The following NPHP1 variants were observed in gnomAD, a reference collection of about 807,000 sequenced individuals.
NPHP1 encodes the protein nephrocystin 1.
NPHP1 carries 70 observed loss-of-function variants against 90.4 expected under a neutral mutation model. The ratio of observed to expected loss-of-function variants is 0.77; its 90% confidence interval spans 0.64 to 0.95. The LOEUF is 0.95. Among genes scored for constraint, NPHP1 ranks in the 40% least tolerant of loss-of-function variants. The pLI, the probability that NPHP1 is intolerant of heterozygous loss-of-function variation, is 0.00. For missense variants in NPHP1, 764 were observed against 795.9 expected (o/e 0.96, Z 0.48); for synonymous variants, 256 against 271.7 (o/e 0.94, Z 0.57).
Position 110,133,832 on chromosome 2 carries a change from G to T in NPHP1, c.1530-2041C>A, listed in dbSNP as rs556257940. Among the ~76,000 whole-genome samples, 5 of 151,948 alleles carry T rather than the reference G, an allele frequency of 3.3e-5. No individual in the cohort carries two copies. The South Asian group carries it at 1.0e-3, about 32-fold the overall frequency. On this transcript the variant is annotated intron_variant, in intron 16 of 19. Transcript: ENST00000445609. ...GAAACTAGAAAATATCTTGAGAAAT[G>T]AAATGAAAACACAACATACCAAAAT...
intron 2 of NPHP1, among the ~76,000 whole-genome samples, chr2:110,196,758 T>C (rs1484023476): frequency 6.6e-6 from 1 of 152,174 alleles, no homozygotes; most frequent in Non-Finnish European, 1.5e-5. Flanking sequence ...CCAACCCAAA[T>C]GTCCAACAAT....
chr2:110,178,441 C>T lies in NPHP1; in HGVS notation c.311G>A (p.Ser104Asn). The stretch of plus-strand genomic sequence containing the variant: ...AGCATACTCAGTTATATTTTCTCTG[C>T]TTATTGTCACAGCAAGGCCCTGCAG... Reference protein sequence around the residue: ...QQLQGLAVTISRENITEVGAP... With the variant: ...QQLQGLAVTINRENITEVGAP... The change falls in exon 4 of 20, where the codon AGC (serine) becomes AAC (asparagine). Residue 104 changes from serine to asparagine, a missense_variant. Ser to Asn is a conservative substitution (Grantham distance 46). Transcript: ENST00000445609. 6.2e-7 allele frequency: 1 copy of T among 1,613,836 alleles called. No homozygotes were observed. Among genetic ancestry groups the T allele is most frequent in the African/African-American group, 1.3e-5 (1 of 75,008 alleles).
At chr2:110,166,392 A>ACAT (rs149062166) in intron 6 of NPHP1, among the ~76,000 whole-genome samples, 3,021 of 152,280 alleles carry the variant, frequency 0.02, 97 homozygotes, top group African/African-American at 0.068. Flanking sequence ...TTAAAAGACT[A>ACAT]CATTTCCCAA....
At chr2:110,126,244 C>T (rs900408316) in intron 18 of NPHP1, 1 of 162,088 alleles carries the variant, frequency 6.2e-6, no homozygotes, top group Non-Finnish European at 1.3e-5. Flanking sequence ...TGTGCCATTT[C>T]CTGGCAAACT....
chr2:110,162,745 G>C (rs993548919), intron 9 of NPHP1, among the ~76,000 whole-genome samples: 4 of 152,182 alleles, frequency 2.6e-5, no homozygotes, highest in Admixed American at 6.5e-5. Context: ...ACAGATGAGG[G>C]AATGAACCAG....
At position 110,133,113 on chromosome 2, in the gene NPHP1, T is replaced by C. The variant is rs1005609705; in HGVS notation, c.1530-1322A>G. Among the ~76,000 whole-genome samples the C allele has an allele frequency of 2.0e-5, 3 of 152,046 alleles. No homozygotes were observed. The East Asian group carries it at 5.8e-4, about 29-fold the overall frequency. On this transcript the variant is annotated intron_variant, in intron 16 of 19. Transcript: ENST00000445609. ...GACTCCTCAATCAAAAGATACAGAT[T>C]GGCAGGATGCACTAAAAAAACACGA...
intron 14 of NPHP1, among the ~76,000 whole-genome samples, chr2:110,145,678 G>A (rs1005308920): frequency 2.0e-5 from 3 of 152,074 alleles, no homozygotes; most frequent in Non-Finnish European, 4.4e-5. Context: ...CACTGAAAAT[G>A]TGTCTATATT....
chr2:110,165,100 T>A lies in NPHP1; in HGVS notation c.680A>T (p.Asp227Val). The change falls in exon 7 of 20, where the codon GAT becomes GTT. Residue 227 changes from aspartate to valine, a missense_variant. Physicochemically the swap from Asp to Val is radical, Grantham distance 152. Transcript: ENST00000445609. ...QESSEEGSEE[D>V]VEAVDETADG... The stretch of plus-strand genomic sequence containing the variant: ...TGCTGTTTCATCCACCGCCTCTACA[T>A]CTTCTTCACTGCCCTCTTCACTTGA... 2 of 1,613,914 alleles carry A rather than the reference T, an allele frequency of 1.2e-6. No homozygotes were observed. The highest frequency in any genetic ancestry group is 1.1e-5 in the South Asian group (1 of 91,072).
chr2:110,151,168 G>GAAAAAAAAAAAAAAAAAAA (rs35894521), intron 11 of NPHP1, among the ~76,000 whole-genome samples: 2 of 116,478 alleles, frequency 1.7e-5, no homozygotes, highest in Non-Finnish European at 3.4e-5. Context: ...TCAGTCTCAA[G>GAAAAAAAAAAAAAAAAAAA]AAAAAAAAAA....
Position 110,167,563 on chromosome 2 carries a change from T to C in NPHP1, c.624+889A>G, listed in dbSNP as rs529431504. ...CACCCCCAACCAATACCTCACTCTATGGCTGTTCCTGAGTTGCATCCTTTA... is the reference window on the plus strand; with the variant it reads ...CACCCCCAACCAATACCTCACTCTACGGCTGTTCCTGAGTTGCATCCTTTA... On this transcript the variant is annotated intron_variant, in intron 6 of 19. Transcript: ENST00000445609. Among the ~76,000 whole-genome samples, 5 of 152,264 alleles carry C rather than the reference T, an allele frequency of 3.3e-5. No individual in the cohort carries two copies. In the East Asian group the frequency reaches 9.6e-4, roughly 29 times the overall value.
At chr2:110,178,225 G>T (rs1373031910) in intron 4 of NPHP1, 198 bp downstream of exon 4, 5 of 574,682 alleles carry the variant, frequency 8.7e-6, no homozygotes, top group Admixed American at 3.3e-5. Context: ...CCTGAGGGCA[G>T]AGACTATGAC....
At chr2:110,167,495 C>T (rs1435517996) in intron 6 of NPHP1, among the ~76,000 whole-genome samples, 1 of 152,008 alleles carries the variant, frequency 6.6e-6, no homozygotes, top group Non-Finnish European at 1.5e-5. Flanking sequence ...GTGAACACAG[C>T]GAAGTGCTGG....
intron 10 of NPHP1, 104 bp downstream of exon 10, chr2:110,161,499 T>C (rs552860697): frequency 3.2e-5 from 24 of 741,356 alleles, no homozygotes; most frequent in Non-Finnish European, 5.2e-5. Flanking sequence ...AAACAATTTT[T>C]TTGTTTTTTA....
At chr2:110,137,800 T>G (rs1680315303) in intron 16 of NPHP1, among the ~76,000 whole-genome samples, 1 of 150,942 alleles carries the variant, frequency 6.6e-6, no homozygotes, top group African/African-American at 2.4e-5. Flanking sequence ...AGAAATACCA[T>G]TTGACCCAGC....
intron 17 of NPHP1, among the ~76,000 whole-genome samples, chr2:110,130,567 T>C (rs1195735419): frequency 1.3e-5 from 2 of 152,172 alleles, no homozygotes; most frequent in Admixed American, 6.5e-5. Context: ...CTTCTACCTA[T>C]CTATCCAGGT....
At chr2:110,193,385 C>A (rs922278157) in intron 2 of NPHP1, among the ~76,000 whole-genome samples, 7 of 150,952 alleles carry the variant, frequency 4.6e-5, no homozygotes, top group African/African-American at 1.5e-4. Context: ...GACTTTAAAC[C>A]AACAAAGATC....
At chr2:110,125,496 G>A in intron 19 of NPHP1, 141 bp downstream of exon 19, 1 of 1,140,978 alleles carries the variant, frequency 8.8e-7, no homozygotes, top group East Asian at 2.3e-5. Context: ...ATGTGTTTTT[G>A]CAGCCATAAT....
intron 2 of NPHP1, among the ~76,000 whole-genome samples, chr2:110,183,148 G>A (rs937382449): frequency 1.7e-4 from 26 of 152,116 alleles, no homozygotes; most frequent in African/African-American, 3.1e-4. Context: ...AAGAGACCCC[G>A]AAATCTGGCC....
intron 12 of NPHP1, among the ~76,000 whole-genome samples, chr2:110,148,710 T>C (rs1681247716): frequency 6.6e-6 from 1 of 152,182 alleles, no homozygotes; most frequent in Admixed American, 6.5e-5. Context: ...GTGTTACAAA[T>C]AATAGTTTAT....
Sources: gnomAD v4.1 joint callset for allele counts (sites outside exome capture counted in the v4.1 genomes callset) on GRCh38, gnomAD v4.1.1 for gene constraint, MANE v1.5 for transcripts, NCBI Gene and HGNC (gene_info 2026-07-23, HGNC 2026-07-21) for gene names.